Variants in WASF1 observed in about 807,000 individuals in gnomAD.
The protein encoded by WASF1 is actin-binding protein WASF1.
A neutral mutation model predicts 50.5 loss-of-function variants in WASF1; 7 were observed. That is an observed-to-expected ratio of 0.14 (90% confidence interval 0.08 to 0.26). The LOEUF is 0.26. WASF1 is among the 10% of genes least tolerant of loss of function. The pLI, the probability that WASF1 is intolerant of heterozygous loss-of-function variation, is 1.00. For synonymous variants in WASF1, 205 were observed against 244.0 expected, an observed-to-expected ratio of 0.84 and a Z score of 1.49; for missense variants, 470 against 694.7, an observed-to-expected ratio of 0.68 and a Z score of 3.64.
intron 2 of WASF1, among the ~76,000 whole-genome samples, chr6:110,165,692 AACT>A (rs1776447627): frequency 6.6e-6 from 1 of 151,716 alleles, no homozygotes; most frequent in Non-Finnish European, 1.5e-5. Context: ...AACTTTTTCT[AACT>A]ACTTCTTTCT....
Position 110,134,297 on chromosome 6 carries a change from A to G in WASF1, c.-28-6668T>C, listed in dbSNP as rs182858767. On this transcript the variant is annotated intron_variant, in intron 3 of 10. Transcript: ENST00000392589. ...ATGTGGCTTGCCGATTATCGCAGCA[A>G]TATTTGTTGAACAGAGTGTCCTTTC... 1.6e-3 allele frequency among the ~76,000 whole-genome samples: 250 copies of G among 152,210 alleles called. 3 individuals are homozygous for G. Among genetic ancestry groups the G allele is most frequent in the South Asian group, 4.2e-3 (20 of 4,818 alleles).
chr6:110,171,482 T>A (rs1776711143), intron 2 of WASF1, among the ~76,000 whole-genome samples: 3 of 152,180 alleles, frequency 2.0e-5, no homozygotes, highest in Non-Finnish European at 4.4e-5. Flanking sequence ...GTCCGCAGTT[T>A]ATAACGGGGT....
At chr6:110,161,838 T>C (rs779038904) in intron 2 of WASF1, among the ~76,000 whole-genome samples, 1 of 151,484 alleles carries the variant, frequency 6.6e-6, no homozygotes, top group Non-Finnish European at 1.5e-5. Flanking sequence ...CTGACCTCTA[T>C]GAAAGGACCA....
intron 3 of WASF1, among the ~76,000 whole-genome samples, chr6:110,146,257 T>C (rs1435993554): frequency 6.6e-6 from 1 of 152,220 alleles, no homozygotes; most frequent in Non-Finnish European, 1.5e-5. Flanking sequence ...AATTTCAATA[T>C]TTCAAATATG....
chr6:110,107,567 T>C (rs1020794553), intron 6 of WASF1, among the ~76,000 whole-genome samples: 1 of 152,202 alleles, frequency 6.6e-6, no homozygotes, highest in Admixed American at 6.5e-5. Context: ...GACAGAAATT[T>C]TGCAGTTTCT....
chr6:110,122,197 A>T (rs923040850), intron 4 of WASF1, among the ~76,000 whole-genome samples: 1 of 151,930 alleles, frequency 6.6e-6, no homozygotes, highest in African/African-American at 2.4e-5. Context: ...TAAATAAGAA[A>T]GAAAGTAAAG....
At chr6:110,139,455 C>G (rs533278980) in intron 3 of WASF1, among the ~76,000 whole-genome samples, 1 of 152,372 alleles carries the variant, frequency 6.6e-6, no homozygotes, top group Admixed American at 6.5e-5. Context: ...CTGCTGCCGC[C>G]ATCATAAGCA....
intron 3 of WASF1, among the ~76,000 whole-genome samples, chr6:110,136,216 G>C (rs1184932470): frequency 6.6e-6 from 1 of 152,116 alleles, no homozygotes; most frequent in Non-Finnish European, 1.5e-5. Flanking sequence ...TAATGTCCTT[G>C]AAAAGTTTTT....
chr6:110,102,380 A>G (rs866195872), intron 9 of WASF1, among the ~76,000 whole-genome samples, 164 bp from the exon 10 acceptor site: 6 of 152,232 alleles, frequency 3.9e-5, no homozygotes, highest in African/African-American at 1.4e-4. Context: ...GAAAAAAAAA[A>G]AGAACTAAAA....
intron 2 of WASF1, 32 bp downstream of exon 2, chr6:110,178,566 G>C: frequency 6.6e-6 from 1 of 152,536 alleles, no homozygotes; most frequent in East Asian, 1.9e-4. Flanking sequence ...ACATAGAAAA[G>C]GAAATGATTA....
At chr6:110,144,025 G>A (rs2114561049) in intron 3 of WASF1, among the ~76,000 whole-genome samples, 1 of 152,242 alleles carries the variant, frequency 6.6e-6, no homozygotes, top group East Asian at 1.9e-4. Context: ...CTAGATCCCT[G>A]AGGAATCACC....
chr6:110,132,204 A>AC (rs1188666960), intron 3 of WASF1, among the ~76,000 whole-genome samples: 3 of 152,110 alleles, frequency 2.0e-5, no homozygotes, highest in Non-Finnish European at 4.4e-5. Flanking sequence ...TTTAATATTG[A>AC]CCCTATATCC....
chr6:110,120,606 A>T (rs1219693669), intron 4 of WASF1, among the ~76,000 whole-genome samples: 1 of 152,180 alleles, frequency 6.6e-6, no homozygotes, highest in Non-Finnish European at 1.5e-5. Context: ...AAATGGCCAT[A>T]CTACCCAAGG....
rs1259802914 is a variant in WASF1, at chr6:110,178,781, G to C, written c.-271-39C>G. The C allele has an allele frequency of 2.0e-5, 3 of 152,958 alleles. No individual in the cohort carries two copies. The East Asian group carries it at 5.8e-4, about 29-fold the overall frequency. 9.5% of individuals were successfully genotyped at this position (152,958 alleles called of 1,614,324 possible). A position where few individuals can be genotyped will look rare whatever the true frequency, so the allele number is the denominator to read the frequency against. On this transcript the variant is annotated intron_variant, in intron 1 of 10. Transcript: ENST00000392589. ...AAAAGAAAAATGGGAAAGGTGCAATGGATGCTGCATAGTTGAATAATTATC... is the reference window on the plus strand; with the variant it reads ...AAAAGAAAAATGGGAAAGGTGCAATCGATGCTGCATAGTTGAATAATTATC...
Position 110,172,265 on chromosome 6 carries a change from A to G in WASF1, c.-127+6333T>C, listed in dbSNP as rs551124975. Among the ~76,000 whole-genome samples the G allele has an allele frequency of 2.0e-5, 3 of 152,348 alleles. No homozygotes were observed. In the South Asian group the frequency reaches 6.2e-4, roughly 32 times the overall value. On this transcript the variant is annotated intron_variant, in intron 2 of 10. Transcript: ENST00000392589. ...TTATTGCGACACCATTCACAATAGCAAAGACTTGGAACCAACCCAAATGTC... is the reference window on the plus strand; with the variant it reads ...TTATTGCGACACCATTCACAATAGCGAAGACTTGGAACCAACCCAAATGTC...
chr6:110,162,058 T>A (rs145575570), intron 2 of WASF1, among the ~76,000 whole-genome samples: 127 of 151,668 alleles, frequency 8.4e-4, no homozygotes, highest in African/African-American at 2.9e-3. Flanking sequence ...CACTGATATA[T>A]CTGAAGTACA....
At chr6:110,144,518 T>C (rs1487626020) in intron 3 of WASF1, among the ~76,000 whole-genome samples, 2 of 152,248 alleles carry the variant, frequency 1.3e-5, no homozygotes, top group Non-Finnish European at 2.9e-5. Flanking sequence ...TTTTGGTGTT[T>C]TAGACATGAA....
At chr6:110,159,128 C>T (rs892935942) in intron 3 of WASF1, among the ~76,000 whole-genome samples, 9 of 151,794 alleles carry the variant, frequency 5.9e-5, no homozygotes, top group African/African-American at 2.2e-4. Flanking sequence ...CAGCATTTTG[C>T]GTTTTGACTA....
intron 3 of WASF1, among the ~76,000 whole-genome samples, chr6:110,135,349 T>C (rs1339311606): frequency 2.0e-5 from 3 of 152,342 alleles, no homozygotes; most frequent in Non-Finnish European, 4.4e-5. Context: ...CTGATCTGGA[T>C]GCCCTTTCTT....
Sources: allele counts gnomAD v4.1 joint callset (sites outside exome capture counted in the v4.1 genomes callset), GRCh38; gene constraint gnomAD v4.1.1; transcripts MANE v1.5; gene names NCBI Gene and HGNC (gene_info 2026-07-23, HGNC 2026-07-21).